THSD7B: variants seen among roughly 807,000 people sequenced by gnomAD.
The protein encoded by THSD7B is thrombospondin type-1 domain-containing protein 7B.
Under a neutral mutation model 213.6 loss-of-function variants are expected in THSD7B, and 138 were observed. The ratio of observed to expected loss-of-function variants is 0.65; its 90% CI spans 0.56 to 0.74. The LOEUF (loss-of-function observed/expected upper bound fraction) is 0.74. Ranked by LOEUF, THSD7B falls within the 30% of genes least tolerant of loss-of-function variation. The pLI is 0.00. For missense variants in THSD7B, 1,931 were observed against 1,991.5 expected, an observed-to-expected ratio of 0.97 and a Z score of 0.58; for synonymous variants, 742 against 687.0, an observed-to-expected ratio of 1.08 and a Z score of -1.25.
chr2:137,562,244 A>T (rs1251846048), intron 15 of THSD7B, among the ~76,000 whole-genome samples: 1 of 152,172 alleles, frequency 6.6e-6, no homozygotes, highest in East Asian at 1.9e-4. Flanking sequence ...TTAAAAGGAA[A>T]AGCATGAATT....
chr2:137,462,005 A>G (rs1687894626), intron 15 of THSD7B, among the ~76,000 whole-genome samples: 1 of 152,202 alleles, frequency 6.6e-6, no homozygotes, highest in African/African-American at 2.4e-5. Context: ...ATGAAATTAT[A>G]CATAGTAATC....
intron 6 of THSD7B, among the ~76,000 whole-genome samples, chr2:137,165,528 T>A (rs1017021210): frequency 2.6e-5 from 4 of 152,064 alleles, no homozygotes; most frequent in Non-Finnish European, 2.9e-5. Flanking sequence ...GATTCTACTG[T>A]GAGTAGAATC....
intron 2 of THSD7B, among the ~76,000 whole-genome samples, chr2:137,033,687 A>G (rs1686717743): frequency 6.6e-6 from 1 of 152,050 alleles, no homozygotes; most frequent in Non-Finnish European, 1.5e-5. Context: ...ATCTCGGCTC[A>G]CTGCAACCTC....
chr2:136,774,050 TCTACTTTACAACTCTTCATACATA>T (rs1681558214), intron 1 of THSD7B, among the ~76,000 whole-genome samples: 1 of 152,082 alleles, frequency 6.6e-6, no homozygotes, highest in South Asian at 2.1e-4. Flanking sequence ...CTGGCTTGCT[TCTACTTTACAACTCTTCATACATA>T]GTATGAAATC....
rs185344257 is a variant in THSD7B, at chr2:137,135,405, T to C, written c.1369+20112T>C. On this transcript the variant is annotated intron_variant, in intron 5 of 27. Coordinates refer to ENST00000409968, the MANE Select transcript of THSD7B (RefSeq NM_001316349.2). ...TAAATATCTGCAAGTCCTTAAAACA[T>C]GTACTCATTGGAGAGCTCCCTGTGC... Among the ~76,000 whole-genome samples, 3 of 152,328 alleles carry C rather than the reference T, an allele frequency of 2.0e-5. No homozygotes were observed. In the East Asian group the frequency reaches 5.8e-4, roughly 29 times the overall value.
intron 7 of THSD7B, 55 bp downstream of exon 7, chr2:137,170,993 C>A: frequency 3.2e-6 from 5 of 1,544,934 alleles, no homozygotes; most frequent in Non-Finnish European, 4.4e-6. Context: ...AGCCAAATAA[C>A]ACATGACCAC....
At chr2:136,948,963 T>A (rs910075204) in intron 2 of THSD7B, among the ~76,000 whole-genome samples, 1 of 152,124 alleles carries the variant, frequency 6.6e-6, no homozygotes, top group African/African-American at 2.4e-5. Context: ...ACACTATTGG[T>A]TTTTTAAAAA....
At chr2:137,665,854 T>A (rs1683436634) in intron 26 of THSD7B, among the ~76,000 whole-genome samples, 1 of 152,136 alleles carries the variant, frequency 6.6e-6, no homozygotes, top group Admixed American at 6.6e-5. Flanking sequence ...ATGAAAATAT[T>A]TCCAACCTAT....
intron 12 of THSD7B, among the ~76,000 whole-genome samples, chr2:137,327,174 A>C (rs1249810952): frequency 6.6e-6 from 1 of 152,186 alleles, no homozygotes; most frequent in Non-Finnish European, 1.5e-5. Flanking sequence ...TTTAAAGCGC[A>C]AGCCTGTTTT....
intron 12 of THSD7B, among the ~76,000 whole-genome samples, chr2:137,353,487 C>G (rs1019359119): frequency 6.6e-6 from 1 of 152,062 alleles, no homozygotes; most frequent in Non-Finnish European, 1.5e-5. Context: ...TAAGGTGTCT[C>G]TAAAGCAGGA....
chr2:137,611,782 G>C (rs987915529), intron 17 of THSD7B, among the ~76,000 whole-genome samples: 3 of 152,078 alleles, frequency 2.0e-5, no homozygotes. Flanking sequence ...CTTCTGTTTT[G>C]TGTGGAGGGT....
At chr2:137,254,468 G>C (rs1682258296) in intron 10 of THSD7B, among the ~76,000 whole-genome samples, 2 of 152,168 alleles carry the variant, frequency 1.3e-5, no homozygotes, top group African/African-American at 4.8e-5. Flanking sequence ...ATGCTTTTGA[G>C]TGGATGTTTG....
At chr2:137,458,259 T>C (rs996195273) in intron 15 of THSD7B, among the ~76,000 whole-genome samples, 7 of 152,168 alleles carry the variant, frequency 4.6e-5, no homozygotes, top group African/African-American at 1.7e-4. Flanking sequence ...AATAAGTGGA[T>C]GTGATCATTC....
intron 1 of THSD7B, among the ~76,000 whole-genome samples, chr2:136,797,253 C>G (rs1357517284): frequency 6.6e-6 from 1 of 152,050 alleles, no homozygotes; most frequent in Non-Finnish European, 1.5e-5. Context: ...AGATAACCAT[C>G]ATCCCCTTCT....
intron 26 of THSD7B, among the ~76,000 whole-genome samples, chr2:137,666,552 A>G (rs1039331730): frequency 1.1e-4 from 15 of 140,822 alleles, no homozygotes; most frequent in African/African-American, 3.7e-4. Flanking sequence ...CCCCCATAGA[A>G]GCTTTTCAAA....
intron 1 of THSD7B, among the ~76,000 whole-genome samples, chr2:136,879,526 A>G (rs1683583381): frequency 6.6e-6 from 1 of 152,068 alleles, no homozygotes; most frequent in African/African-American, 2.4e-5. Flanking sequence ...CATTTTCACG[A>G]TATTGATTCT....
intron 17 of THSD7B, among the ~76,000 whole-genome samples, chr2:137,606,360 C>T (rs1034407891): frequency 1.8e-4 from 28 of 152,146 alleles, no homozygotes; most frequent in African/African-American, 6.3e-4. Flanking sequence ...AACTGGATAA[C>T]ACCTCTTCTA....
At chr2:136,935,289 G>C (rs557195801) in intron 2 of THSD7B, among the ~76,000 whole-genome samples, 19 of 152,106 alleles carry the variant, frequency 1.2e-4, no homozygotes, top group African/African-American at 4.3e-4. Context: ...CTACCTCCCA[G>C]TGGTGGTGAA....
At chr2:137,245,210 A>G (rs1681999965) in intron 10 of THSD7B, among the ~76,000 whole-genome samples, 1 of 152,162 alleles carries the variant, frequency 6.6e-6, no homozygotes, top group African/African-American at 2.4e-5. Context: ...GCATAAGAGC[A>G]TGGATGCTGG....
Sources: gnomAD v4.1 joint callset for allele counts (sites outside exome capture counted in the v4.1 genomes callset) on GRCh38, gnomAD v4.1.1 for gene constraint, MANE v1.5 for transcripts, NCBI Gene and HGNC (gene_info 2026-07-23, HGNC 2026-07-21) for gene names.